Variants in CLPB observed in about 807,000 individuals in gnomAD.
CLPB encodes the protein mitochondrial disaggregase.
In CLPB, 40 loss-of-function variants were observed where a neutral mutation model predicts 78.4. The observed-to-expected ratio is 0.51, with a 90% CI of 0.40 to 0.66. The LOEUF (loss-of-function observed/expected upper bound fraction) is 0.66, where lower values mean the gene tolerates loss of function less well. CLPB is among the 30% of genes least tolerant of loss of function. The pLI is 0.00. For synonymous variants in CLPB, 333 were observed against 348.0 expected, an observed-to-expected ratio of 0.96 and a Z score of 0.48; for missense variants, 780 against 886.9, an observed-to-expected ratio of 0.88 and a Z score of 1.53.
intron 2 of CLPB, among the ~76,000 whole-genome samples, chr11:72,407,486 T>C (rs958030230): frequency 6.6e-6 from 1 of 152,144 alleles, no homozygotes; most frequent in African/African-American, 2.4e-5. Flanking sequence ...TATTGCAGGG[T>C]TTTCTATTTT....
At chr11:72,424,595 T>C (rs1856309070) in intron 2 of CLPB, among the ~76,000 whole-genome samples, 2 of 138,894 alleles carry the variant, frequency 1.4e-5, no homozygotes, top group Non-Finnish European at 3.1e-5. Flanking sequence ...CATTTCTACT[T>C]AAAAAAAAAA....
chr11:72,417,032 G>A (rs750661362), intron 2 of CLPB, among the ~76,000 whole-genome samples: 13 of 152,174 alleles, frequency 8.5e-5, no homozygotes, highest in Admixed American at 2.6e-4. Flanking sequence ...AATGTTAAAT[G>A]TACAGTTACT....
intron 2 of CLPB, among the ~76,000 whole-genome samples, chr11:72,418,346 TGAAGA>T (rs1421013880): frequency 6.6e-6 from 1 of 152,064 alleles, no homozygotes; most frequent in Non-Finnish European, 1.5e-5. Context: ...AAGAAGCAAC[TGAAGA>T]GAAAAGTGAA....
chr11:72,298,484 C>G (rs1949598091), intron 11 of CLPB, among the ~76,000 whole-genome samples: 1 of 152,160 alleles, frequency 6.6e-6, no homozygotes, highest in Admixed American at 6.5e-5. Context: ...ATGAATGAGC[C>G]ACATTCTTTT....
chr11:72,395,887 C>T (rs1855392015), intron 3 of CLPB, among the ~76,000 whole-genome samples: 1 of 152,162 alleles, frequency 6.6e-6, no homozygotes, highest in Non-Finnish European at 1.5e-5. Context: ...AGTCTAGCTG[C>T]AAGATTAGCA....
intron 4 of CLPB, among the ~76,000 whole-genome samples, chr11:72,363,155 CAA>C (rs972519760): frequency 2.1e-4 from 18 of 87,416 alleles, no homozygotes; most frequent in South Asian, 4.0e-4. Context: ...GACCCTGTCT[CAA>C]AAAAAAAAGA....
chr11:72,377,505 T>C (rs1033698372), intron 4 of CLPB, among the ~76,000 whole-genome samples: 1 of 152,220 alleles, frequency 6.6e-6, no homozygotes, highest in African/African-American at 2.4e-5. Context: ...GGGGACATGA[T>C]AGCCTTTTCA....
chr11:72,303,209 G>A (rs181540890), intron 9 of CLPB, among the ~76,000 whole-genome samples: 12 of 152,266 alleles, frequency 7.9e-5, no homozygotes, highest in Non-Finnish European at 1.5e-4. Flanking sequence ...ACAGTCCCCC[G>A]GGCTCCTCTC....
At chr11:72,323,278 G>C (rs1321732440) in intron 6 of CLPB, among the ~76,000 whole-genome samples, 2 of 152,198 alleles carry the variant, frequency 1.3e-5, no homozygotes, top group Admixed American at 1.3e-4. Context: ...TTGTTAAAAT[G>C]TCAAGGTCGG....
chr11:72,293,616 C>T lies in CLPB; in HGVS notation c.1786-1G>A. The T allele has an allele frequency of 1.2e-6, 2 of 1,609,410 alleles. No individual in the cohort carries two copies. Among genetic ancestry groups the T allele is most frequent in the Non-Finnish European group, 1.7e-6 (2 of 1,176,412 alleles). Reference sequence around the variant, plus strand: ...GCTGGTTCACCACACGGCGTTCTACCTGTCGGTGGGGAGGTGAAGTGGTCA... The same window carrying T: ...GCTGGTTCACCACACGGCGTTCTACTTGTCGGTGGGGAGGTGAAGTGGTCA... On this transcript the variant is annotated splice_acceptor_variant, in intron 15 of 15. Coordinates refer to ENST00000538039, the MANE Select transcript of CLPB (RefSeq NM_001258392.3). LOFTEE classifies it high-confidence loss of function.
intron 4 of CLPB, among the ~76,000 whole-genome samples, chr11:72,373,531 T>C (rs2135659784): frequency 6.6e-6 from 1 of 152,350 alleles, no homozygotes; most frequent in Middle Eastern, 3.4e-3. Flanking sequence ...GGAACAGCTA[T>C]GATCCTCATA....
chr11:72,414,909 A>G (rs1046906718), intron 2 of CLPB, among the ~76,000 whole-genome samples: 19 of 152,326 alleles, frequency 1.2e-4, no homozygotes, highest in African/African-American at 3.8e-4. Flanking sequence ...TACAGAGGGT[A>G]AATGACTGAT....
chr11:72,295,311 T>C (rs905929224), intron 12 of CLPB, among the ~76,000 whole-genome samples, 181 bp downstream of exon 12: 6 of 152,152 alleles, frequency 3.9e-5, no homozygotes, highest in Non-Finnish European at 8.8e-5. Context: ...GTGGGGTCTC[T>C]GTCTCTTTTG....
rs953252999 is a variant in CLPB, at chr11:72,360,446, A to AT, written c.647-1439dup. On this transcript the variant is annotated intron_variant, in intron 4 of 15. Coordinates refer to ENST00000538039, the MANE Select transcript of CLPB (RefSeq NM_001258392.3). ...CCATGCCTCTTCCAAATACTAATAG[A>AT]TTTTTTTTTTTTGGAAATGGAGTTT... 5.0e-3 allele frequency among the ~76,000 whole-genome samples: 729 copies of AT among 147,256 alleles called. 8 individuals are homozygous for AT. The highest frequency in any genetic ancestry group is 0.014 in the African/African-American group (568 of 40,316).
At chr11:72,302,181 C>A in intron 10 of CLPB, 123 bp downstream of exon 10, 2 of 1,099,650 alleles carry the variant, frequency 1.8e-6, no homozygotes, top group South Asian at 1.3e-5. Context: ...TGCTGCACAC[C>A]TGTGCTCCCA....
At chr11:72,408,288 A>C (rs1392760803) in intron 2 of CLPB, 50 of 969,818 alleles carry the variant, frequency 5.2e-5, no homozygotes, top group Non-Finnish European at 7.7e-5. Flanking sequence ...ACTAGCTGTG[A>C]AATGGAAGAT....
chr11:72,423,703 G>A (rs947308887), intron 2 of CLPB, among the ~76,000 whole-genome samples: 6 of 152,168 alleles, frequency 3.9e-5, no homozygotes, highest in African/African-American at 1.4e-4. Flanking sequence ...ACACATACTG[G>A]CTGAAAATTC....
chr11:72,361,852 C>T (rs1389229007), intron 4 of CLPB, among the ~76,000 whole-genome samples: 1 of 152,250 alleles, frequency 6.6e-6, no homozygotes, highest in Non-Finnish European at 1.5e-5. Context: ...AGCTAACATC[C>T]TAATGCAAGA....
chr11:72,374,218 C>A (rs1049146078), intron 4 of CLPB, among the ~76,000 whole-genome samples: 10 of 152,146 alleles, frequency 6.6e-5, no homozygotes, highest in Admixed American at 1.3e-4. Context: ...TAGAGAAATT[C>A]TTTATTAAAT....
Sources: gnomAD v4.1 joint callset for allele counts (sites outside exome capture counted in the v4.1 genomes callset) on GRCh38, gnomAD v4.1.1 for gene constraint, MANE v1.5 for transcripts, NCBI Gene and HGNC (gene_info 2026-07-23, HGNC 2026-07-21) for gene names.